NFILZ: variants seen among roughly 807,000 people sequenced by gnomAD.
NFILZ encodes NFIL3 like basic leucine zipper.
chr19:8,663,787 T>TGTGTG (rs2043048906), intron 3 of NFILZ, among the ~76,000 whole-genome samples: 8 of 148,804 alleles, frequency 5.4e-5, no homozygotes, highest in African/African-American at 1.2e-4. Flanking sequence ...TGTGTGTTTG[T>TGTGTG]TGTGGGGGGG....
chr19:8,647,587 C>T (rs868968608), intron 3 of NFILZ, among the ~76,000 whole-genome samples: 2 of 146,672 alleles, frequency 1.4e-5, no homozygotes, highest in African/African-American at 5.0e-5. Flanking sequence ...CCCCCCCCCC[C>T]AAAAAAAGGG....
intron 3 of NFILZ, among the ~76,000 whole-genome samples, chr19:8,644,824 T>C (rs962368203): frequency 6.6e-6 from 1 of 151,296 alleles, no homozygotes; most frequent in Non-Finnish European, 1.5e-5. Flanking sequence ...TGGAGTGCAA[T>C]GGCATGATCT....
At position 8,677,842 on chromosome 19, in the gene NFILZ, C is replaced by A. The variant is rs1325508944; in HGVS notation, c.*207C>A. ...GGATGGGAGCCCATCTTGGATTCTA[C>A]CATGGCTCTTGCCTTGCCTTAAAAT... On this transcript the variant is annotated 3_prime_UTR_variant, in exon 6 of 6. Transcript: ENST00000691075. Among the ~76,000 whole-genome samples, 1 of 152,048 alleles carries A rather than the reference C, an allele frequency of 6.6e-6. No individual in the cohort carries two copies. Among genetic ancestry groups the A allele is most frequent in the Admixed American group, 6.5e-5 (1 of 15,268 alleles).
intron 3 of NFILZ, among the ~76,000 whole-genome samples, chr19:8,656,265 T>TCC: frequency 1.5e-5 from 2 of 134,426 alleles, no homozygotes. Context: ...GCCCATCTTC[T>TCC]CTCTGAAGCC....
rs146915813 is a variant in NFILZ, at chr19:8,647,901, G to A, written c.-164+12155G>A. Among the ~76,000 whole-genome samples the A allele has an allele frequency of 7.4e-3, 1,123 of 151,668 alleles. 12 individuals are homozygous for A. Among genetic ancestry groups the A allele is most frequent in the African/African-American group, 0.025 (1,039 of 41,356 alleles). On this transcript the variant is annotated intron_variant, in intron 3 of 5. Coordinates refer to ENST00000691075, the MANE Select transcript of NFILZ (RefSeq NM_001378600.1). Reference sequence around the variant, plus strand: ...CAGGAAAAATAGGGAAGCCAGGTGCGGTGGCTCGTGCCTGTAATCCCAGCA... The same window carrying A: ...CAGGAAAAATAGGGAAGCCAGGTGCAGTGGCTCGTGCCTGTAATCCCAGCA...
intron 3 of NFILZ, among the ~76,000 whole-genome samples, chr19:8,656,286 CCACA>C (rs2042994130): frequency 9.4e-6 from 1 of 105,830 alleles, no homozygotes; most frequent in African/African-American, 3.2e-5. Context: ...CACCTTCTCC[CCACA>C]GCCCACCTCC....
intron 2 of NFILZ, among the ~76,000 whole-genome samples, chr19:8,633,888 T>TTCCTTCCTTCCC (rs2042882045): frequency 9.6e-6 from 1 of 104,180 alleles, no homozygotes; most frequent in Non-Finnish European, 2.1e-5. Context: ...CCTTCCTTCC[T>TTCCTTCCTTCCC]TCCTTCCTTC....
intron 2 of NFILZ, among the ~76,000 whole-genome samples, chr19:8,635,034 G>A (rs2042888467): frequency 1.3e-5 from 2 of 152,010 alleles, no homozygotes; most frequent in African/African-American, 4.8e-5. Context: ...TACCGGCCAG[G>A]CCTGGTGGCT....
At chr19:8,663,750 G>GTGTGTATGTGTGTA (rs2043047125) in intron 3 of NFILZ, among the ~76,000 whole-genome samples, 1,614 of 137,046 alleles carry the variant, frequency 0.012, 42 homozygotes, top group African/African-American at 0.042. Context: ...GTGTGTGTGT[G>GTGTGTATGTGTGTA]TGTGTGTGTG....
intron 2 of NFILZ, among the ~76,000 whole-genome samples, chr19:8,633,891 C>G (rs1246911151): frequency 7.8e-6 from 1 of 128,838 alleles, no homozygotes; most frequent in East Asian, 2.3e-4. Flanking sequence ...TCCTTCCTTC[C>G]TTCCTTCCTT....
intron 3 of NFILZ, among the ~76,000 whole-genome samples, chr19:8,655,030 G>C (rs1169800113): frequency 6.6e-6 from 1 of 152,168 alleles, no homozygotes; most frequent in Admixed American, 6.5e-5. Context: ...CTTCTGCCTG[G>C]GATGCCCTTT....
At chr19:8,631,706 G>A (rs1178649190) in intron 1 of NFILZ, among the ~76,000 whole-genome samples, 2 of 152,072 alleles carry the variant, frequency 1.3e-5, no homozygotes, top group African/African-American at 2.4e-5. Flanking sequence ...CCCTTTGTGC[G>A]GCGGCTCCAG....
chr19:8,663,742 G>GCA (rs2043046138), intron 3 of NFILZ, among the ~76,000 whole-genome samples: 3 of 83,908 alleles, frequency 3.6e-5, no homozygotes, highest in Non-Finnish European at 6.8e-5. Context: ...GTGTGTGTGT[G>GCA]TGTGTGTGTG....
intron 3 of NFILZ, among the ~76,000 whole-genome samples, chr19:8,649,679 G>A (rs1481467858): frequency 6.6e-6 from 1 of 152,192 alleles, no homozygotes; most frequent in Non-Finnish European, 1.5e-5. Context: ...CAGTCCCTGG[G>A]CAGGGTGGGG....
At chr19:8,657,471 T>C (rs1051547444) in intron 3 of NFILZ, among the ~76,000 whole-genome samples, 1 of 151,962 alleles carries the variant, frequency 6.6e-6, no homozygotes, top group Admixed American at 6.6e-5. Flanking sequence ...TGCTTTAAGA[T>C]TGATGGTTGC....
In NFILZ at chr19:8,656,441, T is replaced by TTCCTGAAGCCCA. The variant is rs2043000632; in HGVS notation, c.-163-18110_-163-18109insTCCTGAAGCCCA. Among the ~76,000 whole-genome samples, 95 of 68,704 alleles carry TTCCTGAAGCCCA rather than the reference T, an allele frequency of 1.4e-3. 8 individuals carry two copies. The highest frequency in any genetic ancestry group is 8.9e-3 in the East Asian group (13 of 1,466). 45.1% of individuals were successfully genotyped at this position (68,704 alleles called of 152,430 possible). ...CCACCTCTTTCCGCAGCCCACCTTC[T>TTCCTGAAGCCCA]CCTCGAAGCCCACCTTCTCTCTGAA... is the stretch of plus-strand genomic sequence containing the variant. On this transcript the variant is annotated intron_variant, in intron 3 of 5. Transcript: ENST00000691075.
intron 3 of NFILZ, among the ~76,000 whole-genome samples, chr19:8,656,167 G>T (rs2967713): frequency 6.7e-6 from 1 of 148,516 alleles, no homozygotes; most frequent in South Asian, 2.1e-4. Context: ...CCATAGCCAC[G>T]TTCTCCCTAC....
chr19:8,645,549 G>C (rs781903235), intron 3 of NFILZ, among the ~76,000 whole-genome samples: 6 of 152,186 alleles, frequency 3.9e-5, no homozygotes, highest in Non-Finnish European at 7.3e-5. Context: ...TGGCTCAGGA[G>C]TGAGTGTGTA....
At chr19:8,653,032 C>CTT (rs782621801) in intron 3 of NFILZ, among the ~76,000 whole-genome samples, 1 of 70,366 alleles carries the variant, frequency 1.4e-5, no homozygotes, top group Non-Finnish European at 2.9e-5. Flanking sequence ...TTCTTTCTTT[C>CTT]TTTCTTTCTC....
Sources: gnomAD v4.1 joint callset for allele counts (sites outside exome capture counted in the v4.1 genomes callset) on GRCh38, gnomAD v4.1.1 for gene constraint, MANE v1.5 for transcripts, NCBI Gene and HGNC (gene_info 2026-07-23, HGNC 2026-07-21) for gene names.